The following CUL1 variants were observed in gnomAD, a reference collection of about 807,000 sequenced individuals.
CUL1 encodes the protein cullin 1.
Under a neutral mutation model 118.0 loss-of-function variants are expected in CUL1, and 24 were observed. That is an observed-to-expected ratio of 0.20 (90% CI 0.15 to 0.29). The LOEUF (loss-of-function observed/expected upper bound fraction) is 0.29, where lower values mean the gene tolerates loss of function less well. CUL1 is among the 10% of genes least tolerant of loss of function. The pLI, the probability that CUL1 is intolerant of heterozygous loss-of-function variation, is 1.00. For missense variants in CUL1, 361 were observed against 933.8 expected (o/e 0.39, Z 7.99); for synonymous variants, 332 against 340.4 (o/e 0.98, Z 0.27).
intron 16 of CUL1, among the ~76,000 whole-genome samples, chr7:148,790,832 C>G (rs1234075235): frequency 6.6e-6 from 1 of 152,178 alleles, no homozygotes; most frequent in Non-Finnish European, 1.5e-5. Context: ...CTCCACCTTA[C>G]ACAGAGCACT....
chr7:148,718,614 T>G (rs1388149092), intron 1 of CUL1, among the ~76,000 whole-genome samples: 1 of 152,234 alleles, frequency 6.6e-6, no homozygotes, highest in Non-Finnish European at 1.5e-5. Context: ...TGCCTCACAT[T>G]TTGCTTATCC....
chr7:148,792,226 C>T (rs1323960088), intron 16 of CUL1, among the ~76,000 whole-genome samples: 1 of 151,516 alleles, frequency 6.6e-6, no homozygotes, highest in African/African-American at 2.4e-5. Flanking sequence ...CTTGCCATTT[C>T]ATACTTTACT....
chr7:148,765,047 G>A (rs1358324288), intron 7 of CUL1, among the ~76,000 whole-genome samples: 3 of 152,024 alleles, frequency 2.0e-5, no homozygotes, highest in African/African-American at 7.2e-5. Context: ...TCTTCCTTGT[G>A]TTTTTATTTG....
chr7:148,764,663 G>T (rs1486373737), intron 7 of CUL1, among the ~76,000 whole-genome samples: 4 of 152,204 alleles, frequency 2.6e-5, no homozygotes, highest in Non-Finnish European at 4.4e-5. Context: ...TGTTTGGTTT[G>T]CATGTTCTAT....
At chr7:148,741,852 G>A (rs1286929610) in intron 2 of CUL1, among the ~76,000 whole-genome samples, 1 of 152,250 alleles carries the variant, frequency 6.6e-6, no homozygotes, top group East Asian at 1.9e-4. Flanking sequence ...GGGATTGCGG[G>A]CATGAGCCAC....
chr7:148,795,021 CAG>C (rs754520183), intron 17 of CUL1, among the ~76,000 whole-genome samples: 1 of 151,794 alleles, frequency 6.6e-6, no homozygotes, highest in Non-Finnish European at 1.5e-5. Context: ...TTAGTACAGA[CAG>C]GGTTTCACCA....
chr7:148,708,866 T>A (rs751117525), intron 1 of CUL1, among the ~76,000 whole-genome samples: 3 of 152,220 alleles, frequency 2.0e-5, no homozygotes, highest in Non-Finnish European at 4.4e-5. Flanking sequence ...TGTGTTAACT[T>A]TGAGGTTTTG....
chr7:148,766,295 C>A (rs767679126), intron 7 of CUL1, among the ~76,000 whole-genome samples: 4 of 151,974 alleles, frequency 2.6e-5, no homozygotes, highest in Non-Finnish European at 4.4e-5. Flanking sequence ...CCACACCTGG[C>A]TAATTTTTTT....
At chr7:148,715,487 G>A (rs773246423) in intron 1 of CUL1, among the ~76,000 whole-genome samples, 18 of 152,128 alleles carry the variant, frequency 1.2e-4, no homozygotes, top group South Asian at 2.1e-4. Flanking sequence ...TCATGGATGA[G>A]CCTCCTTTGG....
intron 3 of CUL1, among the ~76,000 whole-genome samples, 155 bp from the exon 4 acceptor site, chr7:148,756,822 TTATATA>T (rs1194935936): frequency 1.3e-5 from 2 of 152,178 alleles, no homozygotes; most frequent in African/African-American, 2.4e-5. Context: ...TCTTGTGAGT[TTATATA>T]TATTAGCATG....
chr7:148,781,205 C>T (rs980714073), intron 9 of CUL1, among the ~76,000 whole-genome samples: 1 of 150,738 alleles, frequency 6.6e-6, no homozygotes, highest in East Asian at 2.0e-4. Context: ...CTCAGCCTCC[C>T]GAGTAGCTGG....
intron 17 of CUL1, among the ~76,000 whole-genome samples, chr7:148,797,424 G>T (rs4725791): frequency 6.7e-6 from 1 of 149,264 alleles, no homozygotes. Context: ...TGCTCATGGC[G>T]CAGTTGAAAT....
At chr7:148,750,078 A>G (rs191561506) in intron 2 of CUL1, among the ~76,000 whole-genome samples, 2 of 152,330 alleles carry the variant, frequency 1.3e-5, no homozygotes, top group East Asian at 1.9e-4. Flanking sequence ...TGAGGAAGCT[A>G]CAGAAGAAAA....
chr7:148,796,700 C>T (rs182804035), intron 17 of CUL1, among the ~76,000 whole-genome samples: 1 of 152,086 alleles, frequency 6.6e-6, no homozygotes, highest in Non-Finnish European at 1.5e-5. Context: ...GGATTTTAGG[C>T]CAGTCTCCTG....
At position 148,735,985 on chromosome 7, in the gene CUL1, C is replaced by T. The variant is rs993844149; in HGVS notation, c.140+5723C>T. Reference sequence around the variant, plus strand: ...CTCAGGAGTTTGAGACCAGTCTGGGCAACATAGCAAAACCTTGTCTTTAAA... The same window carrying T: ...CTCAGGAGTTTGAGACCAGTCTGGGTAACATAGCAAAACCTTGTCTTTAAA... On this transcript the variant is annotated intron_variant, in intron 2 of 21. Coordinates refer to ENST00000325222, the MANE Select transcript of CUL1 (RefSeq NM_003592.3). Among the ~76,000 whole-genome samples the T allele has an allele frequency of 2.2e-5, 3 of 139,020 alleles. No individual in the cohort carries two copies. In the Admixed American group the frequency reaches 2.3e-4, roughly 11 times the overall value. 91.2% of individuals were successfully genotyped at this position (139,020 alleles called of 152,430 possible). A position where few individuals can be genotyped will look rare whatever the true frequency, so the allele number is the denominator to read the frequency against.
intron 14 of CUL1, 98 bp from the exon 15 acceptor site, chr7:148,789,652 G>C (rs1340315098): frequency 1.2e-6 from 1 of 854,930 alleles, no homozygotes; most frequent in African/African-American, 1.7e-5. Context: ...TTTTAATAAA[G>C]AGCAATCCAC....
chr7:148,740,254 C>G (rs1799099730), intron 2 of CUL1, among the ~76,000 whole-genome samples: 1 of 152,022 alleles, frequency 6.6e-6, no homozygotes, highest in African/African-American at 2.4e-5. Flanking sequence ...AGGATTTCAC[C>G]ATGTTGGCCA....
intron 2 of CUL1, among the ~76,000 whole-genome samples, chr7:148,732,345 AT>A (rs34013582): frequency 0.02 from 2,742 of 134,828 alleles, 48 homozygotes; most frequent in African/African-American, 0.064. Context: ...TAAGTCATCC[AT>A]TTTTTTTTTT....
At chr7:148,799,201 A>C (rs1448451488) in intron 20 of CUL1, 74 bp from the exon 21 acceptor site, 7 of 1,141,640 alleles carry the variant, frequency 6.1e-6, no homozygotes, top group Non-Finnish European at 9.1e-6. Flanking sequence ...GCCTCTGTGC[A>C]GCTTGTCCTT....
Sources: allele counts gnomAD v4.1 joint callset (sites outside exome capture counted in the v4.1 genomes callset), GRCh38; gene constraint gnomAD v4.1.1; transcripts MANE v1.5; gene names NCBI Gene and HGNC (gene_info 2026-07-23, HGNC 2026-07-21).